RERG: variants seen among roughly 807,000 people sequenced by gnomAD.
RERG encodes RAS like estrogen regulated growth inhibitor.
RERG carries 25 observed loss-of-function variants against 23.2 expected under a neutral mutation model. That is an observed-to-expected ratio of 1.08 (90% CI 0.79 to 1.50). The LOEUF is 1.50. RERG is among the 40% of genes most tolerant of loss of function. The probability of loss-of-function intolerance (pLI) is 0.00; values close to 1 mark genes in which losing one functional copy is unlikely to be tolerated. For missense variants in RERG, 253 were observed against 250.1 expected (o/e 1.01, Z -0.08); for synonymous variants, 81 against 89.1 (o/e 0.91, Z 0.51).
intron 2 of RERG, among the ~76,000 whole-genome samples, chr12:15,181,668 G>A (rs539076767): frequency 4.3e-4 from 65 of 152,306 alleles, no homozygotes; most frequent in African/African-American, 1.5e-3. Flanking sequence ...GGACATCATA[G>A]GAGTTCAATA....
At chr12:15,150,317 G>A (rs1018175679) in intron 2 of RERG, among the ~76,000 whole-genome samples, 1 of 152,064 alleles carries the variant, frequency 6.6e-6, no homozygotes, top group South Asian at 2.1e-4. Context: ...ACCTATCAGA[G>A]CCAAAACAAG....
At chr12:15,203,829 A>T (rs1865249431) in intron 2 of RERG, among the ~76,000 whole-genome samples, 1 of 151,710 alleles carries the variant, frequency 6.6e-6, no homozygotes, top group Non-Finnish European at 1.5e-5. Flanking sequence ...TATCAAAAAG[A>T]ATAAAAAACT....
chr12:15,220,477 G>A (rs1865498057), intron 1 of RERG, among the ~76,000 whole-genome samples: 1 of 152,064 alleles, frequency 6.6e-6, no homozygotes, highest in African/African-American at 2.4e-5. Context: ...AGTTCCCTTC[G>A]AAGAGCTTAC....
At chr12:15,136,163 T>A (rs1313184669) in intron 2 of RERG, among the ~76,000 whole-genome samples, 1 of 152,038 alleles carries the variant, frequency 6.6e-6, no homozygotes, top group African/African-American at 2.4e-5. Context: ...TTCATCTAGG[T>A]TCTAAAATTT....
chr12:15,220,147 C>T (rs944310865), intron 1 of RERG, among the ~76,000 whole-genome samples: 6 of 152,104 alleles, frequency 3.9e-5, no homozygotes, highest in Admixed American at 1.3e-4. Context: ...TCTGATGTTC[C>T]AAATAATTCA....
chr12:15,192,883 T>C lies in RERG; in HGVS notation c.61+24546A>G, dbSNP rs146712962. Among the ~76,000 whole-genome samples the C allele has an allele frequency of 2.5e-3, 378 of 152,310 alleles. 3 individuals carry two copies. The highest frequency in any genetic ancestry group is 0.011 in the East Asian group (57 of 5,188). On this transcript the variant is annotated intron_variant, in intron 2 of 4. Coordinates refer to ENST00000256953, the MANE Select transcript of RERG (RefSeq NM_032918.3). ...TGAGGATAAGCATTATTGGAAAGAATGCCAGAGAAGTGACGTGCCCTTCTC... is the reference window on the plus strand; with the variant it reads ...TGAGGATAAGCATTATTGGAAAGAACGCCAGAGAAGTGACGTGCCCTTCTC...
chr12:15,151,686 A>G (rs1160323565), intron 2 of RERG, among the ~76,000 whole-genome samples: 1 of 152,236 alleles, frequency 6.6e-6, no homozygotes, highest in Admixed American at 6.5e-5. Context: ...ATCATCCACC[A>G]GAGGGCACTG....
intron 2 of RERG, among the ~76,000 whole-genome samples, chr12:15,177,541 C>A (rs1864867201): frequency 6.6e-6 from 1 of 152,194 alleles, no homozygotes; most frequent in African/African-American, 2.4e-5. Flanking sequence ...GAAATTCATA[C>A]CATTGCTTAA....
At chr12:15,130,244 C>T (rs1447956956) in intron 2 of RERG, among the ~76,000 whole-genome samples, 3 of 152,086 alleles carry the variant, frequency 2.0e-5, no homozygotes, top group African/African-American at 7.2e-5. Flanking sequence ...GTGATCCTTG[C>T]CAGAGTGCCA....
chr12:15,200,539 G>A (rs553710494), intron 2 of RERG, among the ~76,000 whole-genome samples: 16 of 152,090 alleles, frequency 1.1e-4, no homozygotes, highest in African/African-American at 3.1e-4. Flanking sequence ...CTAGTTATCT[G>A]ATGGGATCCA....
intron 2 of RERG, among the ~76,000 whole-genome samples, chr12:15,141,980 T>C (rs924851736): frequency 6.6e-6 from 1 of 152,244 alleles, no homozygotes; most frequent in Admixed American, 6.5e-5. Context: ...GGTCTAGAAG[T>C]AGAACTCAAT....
intron 2 of RERG, among the ~76,000 whole-genome samples, chr12:15,142,815 T>C (rs1033016755): frequency 6.6e-6 from 1 of 152,184 alleles, no homozygotes; most frequent in African/African-American, 2.4e-5. Flanking sequence ...ACATACTTTC[T>C]GAAACTATCA....
At chr12:15,196,895 G>T (rs1865152641) in intron 2 of RERG, among the ~76,000 whole-genome samples, 1 of 152,116 alleles carries the variant, frequency 6.6e-6, no homozygotes, top group South Asian at 2.1e-4. Context: ...GAGAAGAGAA[G>T]TGAGAATTCT....
At chr12:15,199,435 C>T (rs574529528) in intron 2 of RERG, among the ~76,000 whole-genome samples, 13 of 152,024 alleles carry the variant, frequency 8.6e-5, no homozygotes, top group Admixed American at 2.0e-4. Context: ...TTTCAATCTT[C>T]GTATTCTTAG....
chr12:15,146,786 A>G (rs1380105575), intron 2 of RERG, among the ~76,000 whole-genome samples: 1 of 152,218 alleles, frequency 6.6e-6, no homozygotes, highest in African/African-American at 2.4e-5. Flanking sequence ...AATGAAAGCT[A>G]GTCTTTGAAT....
chr12:15,220,027 G>C (rs918241749), intron 1 of RERG, among the ~76,000 whole-genome samples: 1 of 152,146 alleles, frequency 6.6e-6, no homozygotes, highest in African/African-American at 2.4e-5. Flanking sequence ...ACTGACAGGA[G>C]TTCTTCAACA....
chr12:15,122,572 C>A (rs1219586625), intron 2 of RERG, among the ~76,000 whole-genome samples: 7 of 152,176 alleles, frequency 4.6e-5, no homozygotes, highest in Non-Finnish European at 1.0e-4. Context: ...AGGCCACTGA[C>A]CCTGTAATAC....
At chr12:15,198,395 T>C (rs182813710) in intron 2 of RERG, among the ~76,000 whole-genome samples, 9 of 152,264 alleles carry the variant, frequency 5.9e-5, no homozygotes, top group Admixed American at 2.0e-4. Flanking sequence ...TCCCATCTGA[T>C]TGGGGCTCCA....
At chr12:15,162,662 C>T (rs1487972343) in intron 2 of RERG, among the ~76,000 whole-genome samples, 1 of 152,138 alleles carries the variant, frequency 6.6e-6, no homozygotes, top group Non-Finnish European at 1.5e-5. Flanking sequence ...CTCTTTTGTT[C>T]TCAAGGAAGG....
Sources: allele counts gnomAD v4.1 joint callset (sites outside exome capture counted in the v4.1 genomes callset), GRCh38; gene constraint gnomAD v4.1.1; transcripts MANE v1.5; gene names NCBI Gene and HGNC (gene_info 2026-07-23, HGNC 2026-07-21).